The following KANSL1L variants were observed in gnomAD, a reference collection of about 807,000 sequenced individuals.
KANSL1L encodes the protein KAT8 regulatory NSL complex subunit 1-like protein.
Under a neutral mutation model 108.6 loss-of-function variants are expected in KANSL1L, and 25 were observed. The observed-to-expected ratio is 0.23, with a 90% CI of 0.17 to 0.32. The LOEUF (loss-of-function observed/expected upper bound fraction) is 0.32, where lower values mean the gene tolerates loss of function less well. KANSL1L is among the 10% of genes least tolerant of loss of function. The pLI, the probability that KANSL1L is intolerant of heterozygous loss-of-function variation, is 1.00. For synonymous variants in KANSL1L, 405 were observed against 395.1 expected (o/e 1.03, Z -0.30); for missense variants, 1,137 against 1,125.7 (o/e 1.01, Z -0.14).
intron 2 of KANSL1L, among the ~76,000 whole-genome samples, chr2:210,149,740 T>C (rs1401275529): frequency 1.3e-5 from 2 of 151,948 alleles, no homozygotes; most frequent in African/African-American, 4.8e-5. Flanking sequence ...TTGCTCTCAA[T>C]ATTTAGTCAA....
chr2:210,142,079 CCCT>C (rs892272183), intron 2 of KANSL1L, among the ~76,000 whole-genome samples: 15 of 150,932 alleles, frequency 9.9e-5, no homozygotes, highest in Admixed American at 1.3e-4. Context: ...TGAAAGTATT[CCCT>C]CCTCCTCTTC....
chr2:210,133,993 T>A (rs184022211), intron 2 of KANSL1L, among the ~76,000 whole-genome samples: 10 of 152,266 alleles, frequency 6.6e-5, no homozygotes, highest in Admixed American at 6.5e-4. Flanking sequence ...TTTTTGCTTA[T>A]CTGGAAATGT....
chr2:210,097,366 T>C (rs2094747148), intron 5 of KANSL1L: 2 of 788,048 alleles, frequency 2.5e-6, no homozygotes. Flanking sequence ...AAATTACACT[T>C]AGTTCTCTAT....
In KANSL1L at chr2:210,021,761, C is replaced by CA. The variant is rs1424471736; in HGVS notation, c.*1187dup. 1.3e-5 allele frequency: 2 copies of CA among 151,958 alleles called. No individual in the cohort carries two copies. The highest frequency in any genetic ancestry group is 4.8e-5 in the African/African-American group (2 of 41,380). 9.4% of individuals were successfully genotyped at this position (151,958 alleles called of 1,614,324 possible). On this transcript the variant is annotated 3_prime_UTR_variant, in exon 15 of 15. Transcript: ENST00000281772. ...AAAAGTGAGTTATATAAATTGTCCT[C>CA]AACTTTCACATAGGAAAAAAATGGT...
chr2:210,084,797 A>T (rs1400241425), intron 5 of KANSL1L, among the ~76,000 whole-genome samples: 2 of 152,080 alleles, frequency 1.3e-5, no homozygotes, highest in Admixed American at 6.6e-5. Context: ...TTTTTAGTAG[A>T]GATGGGGTTT....
chr2:210,076,497 C>A (rs555278797), intron 5 of KANSL1L, among the ~76,000 whole-genome samples: 9 of 151,960 alleles, frequency 5.9e-5, no homozygotes, highest in South Asian at 4.2e-4. Context: ...ATTAGTTGCT[C>A]TTATATAAGC....
chr2:210,110,855 T>G (rs1307145178), intron 3 of KANSL1L, among the ~76,000 whole-genome samples: 1 of 152,152 alleles, frequency 6.6e-6, no homozygotes, highest in Non-Finnish European at 1.5e-5. Context: ...CTCAGCACTT[T>G]AAGAGGCTGA....
chr2:210,058,146 C>T (rs947164569), intron 6 of KANSL1L, among the ~76,000 whole-genome samples: 1 of 152,158 alleles, frequency 6.6e-6, no homozygotes, highest in Non-Finnish European at 1.5e-5. Context: ...CAAGGAACAT[C>T]CCTGAGAAAG....
At chr2:210,050,061 G>A (rs184983339) in intron 6 of KANSL1L, among the ~76,000 whole-genome samples, 1 of 152,322 alleles carries the variant, frequency 6.6e-6, no homozygotes, top group East Asian at 1.9e-4. Context: ...TTGAGTTGGG[G>A]AAGGACGAGG....
At chr2:210,119,221 G>A (rs1384839882) in intron 3 of KANSL1L, among the ~76,000 whole-genome samples, 1 of 151,738 alleles carries the variant, frequency 6.6e-6, no homozygotes, top group Non-Finnish European at 1.5e-5. Context: ...GAAAAGCCCA[G>A]GACCCAATGG....
intron 6 of KANSL1L, among the ~76,000 whole-genome samples, chr2:210,056,504 A>G (rs971707501): frequency 1.3e-5 from 2 of 152,068 alleles, no homozygotes; most frequent in Non-Finnish European, 2.9e-5. Flanking sequence ...TTTTTGAGAC[A>G]GAGTCTCGCT....
intron 6 of KANSL1L, among the ~76,000 whole-genome samples, chr2:210,057,379 GGAGA>G (rs1444973421): frequency 6.6e-6 from 1 of 152,120 alleles, no homozygotes; most frequent in African/African-American, 2.4e-5. Flanking sequence ...CTCCAGCCTG[GGAGA>G]GAAAGTGAGA....
intron 3 of KANSL1L, among the ~76,000 whole-genome samples, chr2:210,104,901 G>A (rs139248810): frequency 6.6e-6 from 1 of 152,162 alleles, no homozygotes; most frequent in Non-Finnish European, 1.5e-5. Context: ...TTTCAGGGTA[G>A]CTGTGTTAAT....
intron 12 of KANSL1L, chr2:210,026,344 A>T (rs1340246467): frequency 1.3e-5 from 2 of 152,292 alleles, no homozygotes; most frequent in Non-Finnish European, 2.9e-5. Context: ...TCTTATCTTG[A>T]TATAATTTTA....
intron 5 of KANSL1L, among the ~76,000 whole-genome samples, chr2:210,092,874 A>G (rs1045380516): frequency 2.0e-5 from 3 of 152,028 alleles, no homozygotes; most frequent in Admixed American, 6.6e-5. Flanking sequence ...TTGGATTGAA[A>G]ATCCATGTAA....
chr2:210,073,768 C>CACACAA (rs2094523359), intron 6 of KANSL1L, among the ~76,000 whole-genome samples: 1 of 132,914 alleles, frequency 7.5e-6, no homozygotes, highest in South Asian at 2.2e-4. Context: ...ATCTAGGAAA[C>CACACAA]ACACAAACAC....
chr2:210,153,542 G>A lies in KANSL1L; in HGVS notation c.1041C>T (p.Ser347=). 2 of 1,613,994 alleles carry A rather than the reference G, an allele frequency of 1.2e-6. No individual in the cohort carries two copies. Among genetic ancestry groups the A allele is most frequent in the Non-Finnish European group, 1.7e-6 (2 of 1,179,974 alleles). ...EGLDSDATDS[S]SDDDLDEYTL... ...TATATTCATCCAAATCGTCATCAGA[G>A]CTGCTATCAGTTGCATCGGAATCCA... Residue 347 remains serine (S), a synonymous_variant, in exon 2 of 15, where the codon AGC becomes AGT. Transcript: ENST00000281772.
chr2:210,125,705 C>T (rs1364866197), intron 3 of KANSL1L, among the ~76,000 whole-genome samples: 5 of 152,216 alleles, frequency 3.3e-5, no homozygotes, highest in African/African-American at 1.2e-4. Flanking sequence ...TAATACACAA[C>T]ATTAACAGAA....
chr2:210,128,691 C>T (rs1413277730), intron 3 of KANSL1L, among the ~76,000 whole-genome samples: 2 of 152,022 alleles, frequency 1.3e-5, no homozygotes, highest in East Asian at 3.9e-4. Context: ...CACAACATTA[C>T]AAATGTATTT....
Sources: gnomAD v4.1 joint callset for allele counts (sites outside exome capture counted in the v4.1 genomes callset) on GRCh38, gnomAD v4.1.1 for gene constraint, MANE v1.5 for transcripts, NCBI Gene and HGNC (gene_info 2026-07-23, HGNC 2026-07-21) for gene names.